CRIM1: variants seen among roughly 807,000 people sequenced by gnomAD.
CRIM1 encodes the protein cysteine-rich motor neuron 1 protein.
CRIM1 carries 32 observed loss-of-function variants against 116.4 expected under a neutral mutation model. The observed-to-expected ratio is 0.27, with a 90% CI of 0.21 to 0.37. The LOEUF (loss-of-function observed/expected upper bound fraction) is 0.37. Among genes scored for constraint, CRIM1 ranks in the 10% least tolerant of loss-of-function variants. CRIM1 has a pLI of 1.00. For missense variants in CRIM1, 1,331 were observed against 1,354.8 expected, an observed-to-expected ratio of 0.98 and a Z score of 0.28; for synonymous variants, 590 against 509.2, an observed-to-expected ratio of 1.16 and a Z score of -2.13.
chr2:36,494,897 A>T (rs1005820563), intron 7 of CRIM1, among the ~76,000 whole-genome samples: 1 of 152,134 alleles, frequency 6.6e-6, no homozygotes, highest in African/African-American at 2.4e-5. Context: ...ATGAGATAGA[A>T]TTTCAAGGTG....
At chr2:36,397,138 C>T (rs1264378076) in intron 2 of CRIM1, among the ~76,000 whole-genome samples, 1 of 152,114 alleles carries the variant, frequency 6.6e-6, no homozygotes, top group Non-Finnish European at 1.5e-5. Flanking sequence ...CATGAGGAGT[C>T]TGCTAATTAG....
intron 2 of CRIM1, among the ~76,000 whole-genome samples, chr2:36,419,708 A>G (rs1349674442): frequency 6.6e-6 from 1 of 152,098 alleles, no homozygotes; most frequent in Non-Finnish European, 1.5e-5. Context: ...GCTTCATTTC[A>G]TTTTCCCTGG....
intron 1 of CRIM1, among the ~76,000 whole-genome samples, chr2:36,363,156 C>T (rs1030936149): frequency 2.0e-5 from 3 of 149,234 alleles, no homozygotes; most frequent in Admixed American, 6.7e-5. Flanking sequence ...GCTGAAATCG[C>T]ACCACTGCAC....
In CRIM1 at chr2:36,548,935, G is replaced by A. The variant is rs570570924; in HGVS notation, c.*234G>A. 36 of 319,072 alleles carry A rather than the reference G, an allele frequency of 1.1e-4. 1 individual carries two copies. In the South Asian group the frequency reaches 4.3e-3, roughly 38 times the overall value. The allele number at this position is 319,072 out of a possible 1,614,324, so 19.8% of individuals were successfully genotyped here. On this transcript the variant is annotated 3_prime_UTR_variant, in exon 17 of 17. Coordinates refer to ENST00000280527, the MANE Select transcript of CRIM1 (RefSeq NM_016441.3). ...TCTTAGAACCAAAGTTTTTAAAGTT[G>A]CTAAGATATATTTGCCTGTAAGATA...
At chr2:36,419,036 T>G (rs1443806544) in intron 2 of CRIM1, among the ~76,000 whole-genome samples, 1 of 152,216 alleles carries the variant, frequency 6.6e-6, no homozygotes, top group Non-Finnish European at 1.5e-5. Flanking sequence ...GCCTGATGTA[T>G]CCTGACAGTA....
chr2:36,548,584 G>T lies in CRIM1; in HGVS notation c.2994G>T (p.Gln998His). 1.9e-6 allele frequency: 3 copies of T among 1,611,816 alleles called. No homozygotes were observed. Among genetic ancestry groups the T allele is most frequent in the Non-Finnish European group, 2.5e-6 (3 of 1,179,166 alleles). The change falls in exon 17 of 17, where the codon CAG becomes CAT. Residue 998 changes from glutamine (Q) to histidine (H), a missense_variant. By Grantham distance (24) the Gln-to-His change is conservative (BLOSUM62 0). Coordinates refer to ENST00000280527, the MANE Select transcript of CRIM1 (RefSeq NM_016441.3). ...SVDCKKGTRV[Q>H]VDSSQRMLRI... ...ACTGCAAGAAAGGAACCAGAGTCCA[G>T]GTGGACAGTTCCCAGAGAATGCTAA... is the stretch of plus-strand genomic sequence containing the variant.
chr2:36,373,248 G>A (rs754204030), intron 1 of CRIM1, among the ~76,000 whole-genome samples: 7 of 152,180 alleles, frequency 4.6e-5, no homozygotes, highest in African/African-American at 9.7e-5. Flanking sequence ...CATTAGTAGA[G>A]TAAATGAATG....
intron 2 of CRIM1, among the ~76,000 whole-genome samples, chr2:36,401,839 T>C (rs1672427242): frequency 6.6e-6 from 1 of 152,214 alleles, no homozygotes; most frequent in Non-Finnish European, 1.5e-5. Flanking sequence ...CCAGCAAGTA[T>C]TTATGAAATG....
intron 13 of CRIM1, among the ~76,000 whole-genome samples, chr2:36,524,432 A>G (rs1407996050): frequency 1.3e-5 from 2 of 152,164 alleles, no homozygotes; most frequent in Admixed American, 1.3e-4. Flanking sequence ...TTATATATCA[A>G]AACTTTTTTT....
intron 7 of CRIM1, among the ~76,000 whole-genome samples, chr2:36,493,950 G>A (rs1458851336): frequency 2.6e-5 from 4 of 152,152 alleles, no homozygotes; most frequent in South Asian, 2.1e-4. Context: ...GGGTAAGACT[G>A]ATCTACAAAC....
At chr2:36,495,053 T>C (rs1680484219) in intron 7 of CRIM1, among the ~76,000 whole-genome samples, 1 of 152,144 alleles carries the variant, frequency 6.6e-6, no homozygotes, top group African/African-American at 2.4e-5. Context: ...CAAGCTAGTT[T>C]AACGGGGGAC....
chr2:36,414,654 G>C (rs1364947437), intron 2 of CRIM1, among the ~76,000 whole-genome samples: 3 of 152,192 alleles, frequency 2.0e-5, no homozygotes, highest in African/African-American at 7.2e-5. Context: ...GAAGGAGCTG[G>C]CTGTGCAAAG....
intron 7 of CRIM1, among the ~76,000 whole-genome samples, chr2:36,483,314 A>G (rs1679563027): frequency 6.6e-6 from 1 of 152,216 alleles, no homozygotes; most frequent in Admixed American, 6.5e-5. Flanking sequence ...CAAAAAAGAG[A>G]TTGGACGGCA....
chr2:36,505,718 A>G (rs1681342823), intron 8 of CRIM1, among the ~76,000 whole-genome samples: 3 of 137,336 alleles, frequency 2.2e-5, no homozygotes, highest in Admixed American at 2.2e-4. Flanking sequence ...CATGAGTTAT[A>G]TATACATTTA....
chr2:36,423,394 C>T (rs1455912750), intron 2 of CRIM1, among the ~76,000 whole-genome samples: 2 of 152,174 alleles, frequency 1.3e-5, no homozygotes, highest in African/African-American at 4.8e-5. Flanking sequence ...TGAGACACAC[C>T]CTCTGCTCAG....
chr2:36,402,066 A>C (rs1316529151), intron 2 of CRIM1, among the ~76,000 whole-genome samples: 2 of 152,190 alleles, frequency 1.3e-5, no homozygotes, highest in Non-Finnish European at 2.9e-5. Flanking sequence ...CTGAAGGTCC[A>C]TGGGGAGCCT....
chr2:36,517,628 T>A (rs1665118687), intron 12 of CRIM1, 86 bp downstream of exon 12: 1 of 1,374,470 alleles, frequency 7.3e-7, no homozygotes, highest in Admixed American at 1.9e-5. Flanking sequence ...CAGGGCAGGA[T>A]CAGCCCCATA....
At chr2:36,364,320 G>C (rs1275119508) in intron 1 of CRIM1, among the ~76,000 whole-genome samples, 4 of 152,168 alleles carry the variant, frequency 2.6e-5, no homozygotes, top group African/African-American at 9.7e-5. Flanking sequence ...CATATTAAAA[G>C]ACCTGATAAA....
At chr2:36,504,268 C>G (rs1158063140) in intron 8 of CRIM1, among the ~76,000 whole-genome samples, 1 of 152,184 alleles carries the variant, frequency 6.6e-6, no homozygotes, top group Non-Finnish European at 1.5e-5. Context: ...TTTTATTCAT[C>G]TAGCATTTGT....
Sources: allele counts gnomAD v4.1 joint callset (sites outside exome capture counted in the v4.1 genomes callset), GRCh38; gene constraint gnomAD v4.1.1; transcripts MANE v1.5; gene names NCBI Gene and HGNC (gene_info 2026-07-23, HGNC 2026-07-21).